ELMO1: variants seen among roughly 807,000 people sequenced by gnomAD.
ELMO1 encodes engulfment and cell motility protein 1.
A neutral mutation model predicts 98.9 loss-of-function variants in ELMO1; 26 were observed. The ratio of observed to expected loss-of-function variants is 0.26; its 90% CI spans 0.19 to 0.36. The LOEUF (loss-of-function observed/expected upper bound fraction) is 0.36. ELMO1 is among the 10% of genes least tolerant of loss of function. ELMO1 has a pLI of 1.00. For missense variants in ELMO1, 627 were observed against 935.2 expected (o/e 0.67, Z 4.30); for synonymous variants, 346 against 346.0 (o/e 1.00, Z 0.00).
chr7:37,031,172 C>T (rs1260411158), intron 15 of ELMO1, among the ~76,000 whole-genome samples: 1 of 152,104 alleles, frequency 6.6e-6, no homozygotes, highest in Non-Finnish European at 1.5e-5. Flanking sequence ...GGGACAGATC[C>T]ATTTCCCTCA....
At chr7:36,986,154 T>C in intron 16 of ELMO1, 1 of 986,326 alleles carries the variant, frequency 1.0e-6, no homozygotes, top group Non-Finnish European at 1.2e-6. Flanking sequence ...GCATGTAGCT[T>C]TGCTTATGTT....
chr7:37,271,241 A>G (rs1365481059), intron 5 of ELMO1: 2 of 152,994 alleles, frequency 1.3e-5, no homozygotes, highest in Non-Finnish European at 2.9e-5. Flanking sequence ...GCCCAGCCAC[A>G]CTGACTTTAA....
At chr7:37,160,877 C>T (rs1244376806) in intron 13 of ELMO1, among the ~76,000 whole-genome samples, 1 of 152,168 alleles carries the variant, frequency 6.6e-6, no homozygotes, top group Non-Finnish European at 1.5e-5. Context: ...TAGGGGGCAG[C>T]ACAGGGTCAC....
At chr7:37,225,801 C>T (rs933883704) in intron 8 of ELMO1, among the ~76,000 whole-genome samples, 2 of 152,130 alleles carry the variant, frequency 1.3e-5, no homozygotes, top group Non-Finnish European at 1.5e-5. Context: ...TCGCAGTAAT[C>T]CAAACACATG....
chr7:37,344,254 A>G (rs1304156165), intron 1 of ELMO1, among the ~76,000 whole-genome samples: 1 of 151,010 alleles, frequency 6.6e-6, no homozygotes, highest in African/African-American at 2.4e-5. Context: ...CTGGTCTTGA[A>G]CTCCTGACCT....
intron 13 of ELMO1, among the ~76,000 whole-genome samples, chr7:37,152,397 G>C (rs1206367341): frequency 6.6e-6 from 1 of 151,870 alleles, no homozygotes; most frequent in African/African-American, 2.4e-5. Flanking sequence ...CTGGGTGAGA[G>C]GTCTGGATCT....
intron 13 of ELMO1, among the ~76,000 whole-genome samples, chr7:37,162,098 C>G (rs1342525147): frequency 6.7e-6 from 1 of 150,210 alleles, no homozygotes; most frequent in Non-Finnish European, 1.5e-5. Flanking sequence ...TAAACTGGAA[C>G]TAAGTAAATT....
intron 16 of ELMO1, among the ~76,000 whole-genome samples, chr7:36,901,870 T>C (rs2129059324): frequency 6.6e-6 from 1 of 152,342 alleles, no homozygotes; most frequent in African/African-American, 2.4e-5. Context: ...GGGTGTTTTA[T>C]AATACATGCA....
In ELMO1 at chr7:36,855,866, T is replaced by A; in HGVS notation, c.1984-115A>T. ...TCAGTAGGCTGTGCGCTAAGGGCTC[T>A]GCCTACTTCGTCATTTCATATTTGG... On this transcript the variant is annotated intron_variant, in intron 21 of 21. Transcript: ENST00000310758. The surrounding 1 kb of genome is among the most constrained non-coding windows in gnomAD (Gnocchi z 4.2). The A allele has an allele frequency of 8.5e-7, 1 of 1,181,402 alleles. No individual in the cohort carries two copies. The highest frequency in any genetic ancestry group is 1.2e-6 in the Non-Finnish European group (1 of 824,198). The allele number at this position is 1,181,402 out of a possible 1,614,324, so 73.2% of individuals were successfully genotyped here.
intron 8 of ELMO1, among the ~76,000 whole-genome samples, chr7:37,232,097 C>T (rs765512418): frequency 6.6e-6 from 1 of 152,274 alleles, no homozygotes; most frequent in Middle Eastern, 3.4e-3. Context: ...AAATAATCCA[C>T]CTGCGCTGGC....
At chr7:37,141,470 C>T (rs1787636199) in intron 13 of ELMO1, among the ~76,000 whole-genome samples, 1 of 152,088 alleles carries the variant, frequency 6.6e-6, no homozygotes, top group South Asian at 2.1e-4. Context: ...CACTAAAGAA[C>T]TTATTCATGT....
intron 2 of ELMO1, among the ~76,000 whole-genome samples, chr7:37,327,208 G>A (rs544843403): frequency 6.6e-6 from 1 of 152,326 alleles, no homozygotes; most frequent in South Asian, 2.1e-4. Flanking sequence ...CTTTCATGTG[G>A]AAATGAATGA....
At chr7:37,274,654 G>T (rs548893819) in intron 4 of ELMO1, among the ~76,000 whole-genome samples, 1 of 152,296 alleles carries the variant, frequency 6.6e-6, no homozygotes, top group African/African-American at 2.4e-5. Context: ...CCAGGTTCAA[G>T]CGATTCTCCT....
chr7:37,104,810 G>A (rs550539409), intron 14 of ELMO1, among the ~76,000 whole-genome samples: 19 of 151,624 alleles, frequency 1.3e-4, no homozygotes, highest in African/African-American at 4.4e-4. Context: ...CCCAGGAAAA[G>A]GAGAAAAAGA....
intron 18 of ELMO1, among the ~76,000 whole-genome samples, chr7:36,883,558 C>A (rs540117547): frequency 1.3e-3 from 203 of 152,124 alleles, no homozygotes; most frequent in Non-Finnish European, 2.5e-3. Context: ...GTGATAAAGT[C>A]CTCTTGAGAT....
intron 1 of ELMO1, among the ~76,000 whole-genome samples, chr7:37,386,656 A>G (rs183076754): frequency 6.6e-6 from 1 of 151,870 alleles, no homozygotes; most frequent in African/African-American, 2.4e-5. Context: ...CAGGGTCCAC[A>G]CTCGTGTCAG....
At chr7:36,998,612 A>AT (rs1346300612) in intron 16 of ELMO1, among the ~76,000 whole-genome samples, 1 of 152,080 alleles carries the variant, frequency 6.6e-6, no homozygotes, top group Non-Finnish European at 1.5e-5. Flanking sequence ...AGTAAAAAAA[A>AT]TTTTTAAGGA....
Position 37,151,225 on chromosome 7 carries a change from C to T in ELMO1, c.1087-17991G>A, listed in dbSNP as rs116003744. ...GTTTGGGCCCCTCCAGGGTGTTTGC[C>T]CAACTTTCCTTTCCTGCCAGGGAAT... On this transcript the variant is annotated intron_variant, in intron 13 of 21. Transcript: ENST00000310758. Among the ~76,000 whole-genome samples the T allele has an allele frequency of 1.6e-3, 237 of 152,326 alleles. 3 individuals are homozygous for T. The highest frequency in any genetic ancestry group is 5.4e-3 in the African/African-American group (223 of 41,578).
chr7:37,153,906 G>A (rs1481187734), intron 13 of ELMO1, among the ~76,000 whole-genome samples: 1 of 152,188 alleles, frequency 6.6e-6, no homozygotes, highest in African/African-American at 2.4e-5. Context: ...CCCAGTAGGA[G>A]CAGACAGACA....
Sources: allele counts gnomAD v4.1 joint callset (sites outside exome capture counted in the v4.1 genomes callset), GRCh38; gene constraint gnomAD v4.1.1; non-coding constraint Gnocchi (gnomAD v3.1); transcripts MANE v1.5; gene names NCBI Gene and HGNC (gene_info 2026-07-23, HGNC 2026-07-21).